SLC8A3: variants seen among roughly 807,000 people sequenced by gnomAD.
The protein encoded by SLC8A3 is sodium/calcium exchanger 3.
SLC8A3 carries 37 observed loss-of-function variants against 65.4 expected under a neutral mutation model. That is an observed-to-expected ratio of 0.57 (90% CI 0.44 to 0.74). The LOEUF (loss-of-function observed/expected upper bound fraction) is 0.74. Among genes scored for constraint, SLC8A3 ranks in the 30% least tolerant of loss-of-function variants. The pLI, the probability that SLC8A3 is intolerant of heterozygous loss-of-function variation, is 0.00. For synonymous variants in SLC8A3, 461 were observed against 444.5 expected (o/e 1.04, Z -0.47); for missense variants, 1,112 against 1,172.1 (o/e 0.95, Z 0.75).
intron 6 of SLC8A3, chr14:70,047,290 T>G (rs897418326): frequency 6.6e-6 from 1 of 152,266 alleles, no homozygotes; most frequent in Non-Finnish European, 1.5e-5. Flanking sequence ...TCTTACCCTT[T>G]CTTGCCTATG....
intron 2 of SLC8A3, among the ~76,000 whole-genome samples, chr14:70,097,844 C>G (rs1461270455): frequency 1.3e-5 from 2 of 152,174 alleles, no homozygotes; most frequent in South Asian, 2.1e-4. Context: ...AGCAAGAGTT[C>G]TCAGAACCTC....
intron 2 of SLC8A3, among the ~76,000 whole-genome samples, chr14:70,112,100 G>A (rs547117646): frequency 3.3e-5 from 5 of 152,336 alleles, no homozygotes; most frequent in African/African-American, 1.2e-4. Flanking sequence ...AGACCTGCTT[G>A]TAGAAAGATA....
intron 2 of SLC8A3, among the ~76,000 whole-genome samples, chr14:70,064,843 T>C (rs1205214744): frequency 6.6e-6 from 1 of 152,266 alleles, no homozygotes; most frequent in East Asian, 1.9e-4. Flanking sequence ...CTGCATTTCT[T>C]CTTCTTTTTT....
intron 2 of SLC8A3, among the ~76,000 whole-genome samples, chr14:70,124,672 CCTGT>C: frequency 6.6e-6 from 1 of 152,350 alleles, no homozygotes; most frequent in South Asian, 2.1e-4. Context: ...CTCCTGTAGG[CCTGT>C]CTTTCTTGCT....
At chr14:70,067,533 C>T (rs954352564) in intron 2 of SLC8A3, among the ~76,000 whole-genome samples, 3 of 152,214 alleles carry the variant, frequency 2.0e-5, no homozygotes, top group African/African-American at 4.8e-5. Flanking sequence ...GCATACAGAA[C>T]GCCCTCAAAC....
chr14:70,063,813 G>T (rs72729840), intron 2 of SLC8A3: 80,509 of 1,433,370 alleles, frequency 0.056, 2,480 homozygotes, highest in Middle Eastern at 0.082. Flanking sequence ...TGGAGGACAG[G>T]GTACTACACC....
At chr14:70,074,287 T>C (rs1890282901) in intron 2 of SLC8A3, among the ~76,000 whole-genome samples, 1 of 152,210 alleles carries the variant, frequency 6.6e-6, no homozygotes. Context: ...TGACCTGTTT[T>C]CCAATTTAGA....
Position 70,168,285 on chromosome 14 carries a change from C to T in SLC8A3, c.138G>A (p.Glu46=), listed in dbSNP as rs1897303433. ...TGCAGTCCGATGACCCTGAACAGGA[C>T]TCATTGTTCTGCCCTGTGCTTGGCA... is the stretch of plus-strand genomic sequence containing the variant. ...GDVPSTGQNN[E]SCSGSSDCKE... The change falls in exon 2 of 7, where the codon GAG becomes GAA. Residue 46 remains glutamate, a synonymous_variant. Transcript: ENST00000356921. The T allele has an allele frequency of 6.2e-7, 1 of 1,614,158 alleles. No individual in the cohort carries two copies. The highest frequency in any genetic ancestry group is 8.5e-7 in the Non-Finnish European group (1 of 1,180,032).
At chr14:70,079,979 G>T (rs538404847) in intron 2 of SLC8A3, 33 of 532,220 alleles carry the variant, frequency 6.2e-5, no homozygotes, top group Non-Finnish European at 7.5e-5. Context: ...TTGAGCTTCC[G>T]TTTCTTCAGC....
intron 2 of SLC8A3, among the ~76,000 whole-genome samples, chr14:70,131,460 C>T (rs997344892): frequency 2.0e-5 from 3 of 152,150 alleles, no homozygotes; most frequent in African/African-American, 7.2e-5. Flanking sequence ...TTGAGGCGAA[C>T]ATAATAAAAG....
In SLC8A3 at chr14:70,044,349, T is replaced by G. The variant is rs913236406; in HGVS notation, c.*1598A>C. ...TTATTTTTTTCTTAAAAAATGTGTT[T>G]AAAATTAACAGGTGTTTTTTAATTT... On this transcript the variant is annotated 3_prime_UTR_variant, in exon 7 of 7. Transcript: ENST00000356921. 6.6e-6 allele frequency: 1 copy of G among 151,658 alleles called. No homozygotes were observed. Among genetic ancestry groups the G allele is most frequent in the Non-Finnish European group, 1.5e-5 (1 of 68,008 alleles). 9.4% of individuals were successfully genotyped at this position (151,658 alleles called of 1,614,324 possible). A position where few individuals can be genotyped will look rare whatever the true frequency, so the allele number is the denominator to read the frequency against.
intron 1 of SLC8A3, among the ~76,000 whole-genome samples, chr14:70,172,871 G>A (rs1265008115): frequency 6.6e-6 from 1 of 152,124 alleles, no homozygotes; most frequent in Non-Finnish European, 1.5e-5. Context: ...TTCCTGAAAT[G>A]AGACTTCAAG....
intron 2 of SLC8A3, among the ~76,000 whole-genome samples, chr14:70,156,006 C>T (rs79603995): frequency 0.049 from 7,455 of 152,242 alleles, 224 homozygotes; most frequent in Middle Eastern, 0.075. Context: ...CTATCTTTTG[C>T]TGTATTTTAT....
intron 2 of SLC8A3, among the ~76,000 whole-genome samples, chr14:70,118,443 C>T (rs1893806732): frequency 6.6e-6 from 1 of 152,242 alleles, no homozygotes; most frequent in Admixed American, 6.5e-5. Flanking sequence ...GCTGCTCTTG[C>T]ATCTTCTCTG....
chr14:70,109,796 A>G (rs1391165521), intron 2 of SLC8A3, among the ~76,000 whole-genome samples: 1 of 152,184 alleles, frequency 6.6e-6, no homozygotes, highest in Non-Finnish European at 1.5e-5. Context: ...AACAAAATAT[A>G]TCCTACCTAG....
At chr14:70,080,894 A>T (rs1890995635) in intron 2 of SLC8A3, among the ~76,000 whole-genome samples, 1 of 152,166 alleles carries the variant, frequency 6.6e-6, no homozygotes, top group African/African-American at 2.4e-5. Context: ...GTGAAGTGGG[A>T]TTATCTTTAC....
At chr14:70,173,940 T>A (rs1297802485) in intron 1 of SLC8A3, among the ~76,000 whole-genome samples, 4 of 152,246 alleles carry the variant, frequency 2.6e-5, no homozygotes, top group African/African-American at 9.6e-5. Context: ...GAGGAAAATA[T>A]AATGATATTA....
chr14:70,153,840 C>T (rs938998490), intron 2 of SLC8A3, among the ~76,000 whole-genome samples: 4 of 152,198 alleles, frequency 2.6e-5, no homozygotes, highest in Non-Finnish European at 5.9e-5. Flanking sequence ...TGGCTGCCCT[C>T]GGACACCATG....
At chr14:70,143,736 A>G (rs1895721629) in intron 2 of SLC8A3, among the ~76,000 whole-genome samples, 1 of 152,122 alleles carries the variant, frequency 6.6e-6, no homozygotes, top group African/African-American at 2.4e-5. Flanking sequence ...CTGAGCACTA[A>G]CAGCTCCAAT....
Sources: allele counts gnomAD v4.1 joint callset (sites outside exome capture counted in the v4.1 genomes callset), GRCh38; gene constraint gnomAD v4.1.1; transcripts MANE v1.5; gene names NCBI Gene and HGNC (gene_info 2026-07-23, HGNC 2026-07-21).